Variants in LTBP2 observed in about 807,000 individuals in gnomAD.
The protein encoded by LTBP2 is latent-transforming growth factor beta-binding protein 2.
A neutral mutation model predicts 210.6 loss-of-function variants in LTBP2; 103 were observed. The observed-to-expected ratio is 0.49, with a 90% CI of 0.42 to 0.58. LTBP2 has a LOEUF of 0.58. LTBP2 is among the 20% of genes least tolerant of loss of function. The probability of loss-of-function intolerance (pLI) is 0.00; values close to 1 mark genes in which losing one functional copy is unlikely to be tolerated. For missense variants in LTBP2, 2,313 were observed against 2,494.5 expected, an observed-to-expected ratio of 0.93 and a Z score of 1.55; for synonymous variants, 1,007 against 1,015.0, an observed-to-expected ratio of 0.99 and a Z score of 0.15.
At chr14:74,564,146 TA>T (rs2087846943) in intron 3 of LTBP2, among the ~76,000 whole-genome samples, 4 of 52,430 alleles carry the variant, frequency 7.6e-5, no homozygotes, top group African/African-American at 2.5e-4. Flanking sequence ...TTTATATATA[TA>T]TATTTATATA....
chr14:74,550,956 C>T (rs2087644795), intron 7 of LTBP2, 108 bp downstream of exon 7: 5 of 1,386,576 alleles, frequency 3.6e-6, no homozygotes, highest in Non-Finnish European at 5.1e-6. Flanking sequence ...AGTCTGCAGA[C>T]ACTCACATTC....
intron 3 of LTBP2, among the ~76,000 whole-genome samples, chr14:74,584,802 G>A (rs563882643): frequency 3.6e-4 from 55 of 152,082 alleles, no homozygotes; most frequent in African/African-American, 1.1e-3. Flanking sequence ...ATCCTGGTCC[G>A]CCTGACCTCA....
At position 74,522,178 on chromosome 14, in the gene LTBP2, G is replaced by A. The variant is rs1049766751; in HGVS notation, c.2660-139C>T. 73 of 1,038,364 alleles carry A rather than the reference G, an allele frequency of 7.0e-5. No homozygotes were observed. In the Middle Eastern group the frequency reaches 9.5e-4, roughly 13 times the overall value. The allele number at this position is 1,038,364 out of a possible 1,614,324, so 64.3% of individuals were successfully genotyped here. On this transcript the variant is annotated intron_variant, in intron 16 of 35. Coordinates refer to ENST00000261978, the MANE Select transcript of LTBP2 (RefSeq NM_000428.3). ...AAGGAAGGGGTGAGGGAGTGGAGGAGGCTGAAAATCTCTAAGGCTGGAAGC... is the reference window on the plus strand; with the variant it reads ...AAGGAAGGGGTGAGGGAGTGGAGGAAGCTGAAAATCTCTAAGGCTGGAAGC...
At chr14:74,560,481 C>A (rs2087780438) in intron 3 of LTBP2, among the ~76,000 whole-genome samples, 1 of 152,208 alleles carries the variant, frequency 6.6e-6, no homozygotes, top group Admixed American at 6.5e-5. Context: ...GCAGTCTGTA[C>A]CCATAATGAT....
intron 8 of LTBP2, among the ~76,000 whole-genome samples, chr14:74,547,721 C>T (rs1270214231): frequency 2.6e-5 from 4 of 152,106 alleles, no homozygotes; most frequent in African/African-American, 9.7e-5. Flanking sequence ...GGTCCCAGGG[C>T]AGGTCAGCAC....
At chr14:74,571,036 A>T (rs1391803927) in intron 3 of LTBP2, among the ~76,000 whole-genome samples, 4 of 125,366 alleles carry the variant, frequency 3.2e-5, no homozygotes, top group Non-Finnish European at 5.2e-5. Flanking sequence ...TCTTTATATT[A>T]AAAAAAAAAA....
At chr14:74,507,027 G>A in intron 26 of LTBP2, 152 bp downstream of exon 26, 1 of 1,529,682 alleles carries the variant, frequency 6.5e-7, no homozygotes, top group South Asian at 1.2e-5. Context: ...ACAGTCCTGT[G>A]GCATCTTTCA....
In LTBP2 at chr14:74,611,959, G is replaced by T; in HGVS notation, c.-15C>A. The stretch of plus-strand genomic sequence containing the variant: ...CGCGGCCTCATGGCGCGGGGCGGCT[G>T]GAGAGTGGTGCGCGCGGGCACCGCG... On this transcript the variant is annotated 5_prime_UTR_variant, in exon 1 of 36. Transcript: ENST00000261978. 1.3e-6 allele frequency: 2 copies of T among 1,555,644 alleles called. No individual in the cohort carries two copies. Among genetic ancestry groups the T allele is most frequent in the South Asian group, 1.2e-5 (1 of 86,344 alleles).
In LTBP2 at chr14:74,553,074, G is replaced by A; in HGVS notation, c.1022-12C>T. ...CGTGAGGTTCAGCCCTGCAGAGAGAGGGCTTGGGTCCAGGGGGCAGGGCTG... is the reference window on the plus strand; with the variant it reads ...CGTGAGGTTCAGCCCTGCAGAGAGAAGGCTTGGGTCCAGGGGGCAGGGCTG... On this transcript the variant is annotated splice_polypyrimidine_tract_variant and intron_variant, in intron 4 of 35. Transcript: ENST00000261978. 1 of 1,613,920 alleles carries A rather than the reference G, an allele frequency of 6.2e-7. No individual in the cohort carries two copies. Among genetic ancestry groups the A allele is most frequent in the African/African-American group, 1.3e-5 (1 of 74,950 alleles).
intron 2 of LTBP2, among the ~76,000 whole-genome samples, chr14:74,590,485 A>G (rs1240826444): frequency 6.6e-6 from 1 of 152,168 alleles, no homozygotes; most frequent in East Asian, 1.9e-4. Flanking sequence ...GGTGCCTGTA[A>G]TCCCAGCTAC....
chr14:74,573,419 A>G (rs905277219), intron 3 of LTBP2, among the ~76,000 whole-genome samples: 1 of 152,180 alleles, frequency 6.6e-6, no homozygotes, highest in Non-Finnish European at 1.5e-5. Context: ...GTCCAGTTCC[A>G]TCAGTGGGGA....
At chr14:74,511,181 G>A in intron 19 of LTBP2, 64 bp downstream of exon 19, 1 of 1,610,718 alleles carries the variant, frequency 6.2e-7, no homozygotes, top group African/African-American at 1.3e-5. Context: ...CTTTCCGTGT[G>A]TGGGCTCAAC....
intron 2 of LTBP2, 36 bp downstream of exon 2, chr14:74,603,599 T>C: frequency 5.6e-6 from 9 of 1,609,598 alleles, no homozygotes; most frequent in Non-Finnish European, 7.7e-6. Flanking sequence ...TCACGTTTGA[T>C]AGAGCGGAGT....
chr14:74,611,194 G>A (rs1294047721), intron 1 of LTBP2, among the ~76,000 whole-genome samples: 4 of 152,246 alleles, frequency 2.6e-5, no homozygotes, highest in African/African-American at 9.6e-5. Flanking sequence ...GAGGCGCCTT[G>A]CGAAAGGATT....
chr14:74,521,695 G>A (rs1566621523), intron 17 of LTBP2, among the ~76,000 whole-genome samples: 1 of 152,256 alleles, frequency 6.6e-6, no homozygotes, highest in African/African-American at 2.4e-5. Flanking sequence ...CCTTTGCAGA[G>A]ATTGCTGGTT....
intron 2 of LTBP2, among the ~76,000 whole-genome samples, chr14:74,599,514 T>TC: frequency 6.6e-6 from 1 of 152,276 alleles, no homozygotes; most frequent in East Asian, 1.9e-4. Context: ...CTCCAGTTCT[T>TC]CCCCTCTGCT....
rs754356117 is a variant in LTBP2 at position 74,603,677 on chromosome 14, G to C, written c.523C>G (p.Pro175Ala). 15 of 1,613,996 alleles carry C rather than the reference G, an allele frequency of 9.3e-6. No individual in the cohort carries two copies. The highest frequency in any genetic ancestry group is 3.3e-4 in the Middle Eastern group (2 of 6,084). The change falls in exon 2 of 36, where the codon CCA becomes GCA. Residue 175 changes from proline (P) to alanine (A), a missense_variant. By Grantham distance (27) the Pro-to-Ala change is conservative (BLOSUM62 -1). Around this residue, in one of 3 missense-constraint regions of LTBP2, gnomAD observed 1,867 missense variants for 1,976.9 expected, o/e 0.94. Transcript: ENST00000261978. ...GRNVCGGQCC[P>A]GWTTANSTNH... ...GTGCTGTTTGCTGTTGTCCATCCTG[G>C]GCAGCACTGTCCCCCGCAGACGTTC... is the stretch of plus-strand genomic sequence containing the variant.
At chr14:74,562,258 G>A (rs2087803809) in intron 3 of LTBP2, among the ~76,000 whole-genome samples, 1 of 151,986 alleles carries the variant, frequency 6.6e-6, no homozygotes, top group Admixed American at 6.6e-5. Flanking sequence ...CATAAGAAGT[G>A]CATGGAGGTG....
At chr14:74,572,322 T>TGAGAGAGA (rs33960423) in intron 3 of LTBP2, among the ~76,000 whole-genome samples, 8 of 82,488 alleles carry the variant, frequency 9.7e-5, no homozygotes, top group African/African-American at 2.5e-4. Context: ...TGTGTGTGTG[T>TGAGAGAGA]GAGAGAGAGA....
Sources: allele counts gnomAD v4.1 joint callset (sites outside exome capture counted in the v4.1 genomes callset), GRCh38; gene constraint gnomAD v4.1.1; regional missense constraint gnomAD v4.1.1; transcripts MANE v1.5; gene names NCBI Gene and HGNC (gene_info 2026-07-23, HGNC 2026-07-21).